NFRKB: variants seen among roughly 807,000 people sequenced by gnomAD.
The protein encoded by NFRKB is nuclear factor related to kappaB binding protein.
NFRKB carries 62 observed loss-of-function variants against 135.7 expected under a neutral mutation model. The ratio of observed to expected loss-of-function variants is 0.46; its 90% confidence interval spans 0.37 to 0.56. NFRKB has a LOEUF of 0.56. Among genes scored for constraint, NFRKB ranks in the 20% least tolerant of loss-of-function variants. The probability of loss-of-function intolerance (pLI) is 0.00; values close to 1 mark genes in which losing one functional copy is unlikely to be tolerated. For missense variants in NFRKB, 1,545 were observed against 1,662.0 expected, an observed-to-expected ratio of 0.93 and a Z score of 1.22; for synonymous variants, 678 against 635.6, an observed-to-expected ratio of 1.07 and a Z score of -1.00.
Position 129,875,346 on chromosome 11 carries a change from C to A in NFRKB, c.1854+11G>T, listed in dbSNP as rs770935717. The A allele has an allele frequency of 7.5e-6, 12 of 1,597,552 alleles. No individual in the cohort carries two copies. In the Admixed American group the frequency reaches 1.9e-4, roughly 25 times the overall value. ...TGGAACAAAGCAAAAGTAATCTCTT[C>A]TCCGTCCTACCTGAGTGCTGGTGAC... On this transcript the variant is annotated intron_variant, in intron 18 of 26. Transcript: ENST00000682444.
chr11:129,876,381 C>T (rs756122738), intron 17 of NFRKB, among the ~76,000 whole-genome samples: 7 of 152,196 alleles, frequency 4.6e-5, no homozygotes, highest in Non-Finnish European at 1.0e-4. Flanking sequence ...CCACAAGTTC[C>T]ACCAGACTGC....
At chr11:129,886,275 G>C (rs766589773) in intron 5 of NFRKB, 42 bp downstream of exon 5, 93 of 1,585,338 alleles carry the variant, frequency 5.9e-5, no homozygotes, top group Non-Finnish European at 7.7e-5. Flanking sequence ...CATGATACCT[G>C]TGACTGCCCA....
rs775941359 is a variant in NFRKB at position 129,881,711 on chromosome 11, A to G, written c.1318+16T>C. 6.2e-7 allele frequency: 1 copy of G among 1,613,494 alleles called. No individual in the cohort carries two copies. The highest frequency in any genetic ancestry group is 8.5e-7 in the Non-Finnish European group (1 of 1,179,678). ...AAGGGGGAAAAATACTGACCCTACAAAAAAGAGCATCTTACCTCGACTTTC... is the reference window on the plus strand; with the variant it reads ...AAGGGGGAAAAATACTGACCCTACAGAAAAGAGCATCTTACCTCGACTTTC... On this transcript the variant is annotated intron_variant, in intron 12 of 26. Transcript: ENST00000682444.
chr11:129,873,386 G>A (rs562706931), intron 22 of NFRKB, among the ~76,000 whole-genome samples: 18 of 152,208 alleles, frequency 1.2e-4, no homozygotes, highest in Non-Finnish European at 2.5e-4. Flanking sequence ...GGATACAAAT[G>A]TTCTGTAAAC....
At chr11:129,888,483 A>G (rs757477740) in intron 4 of NFRKB, 111 bp downstream of exon 4, 1 of 1,137,512 alleles carries the variant, frequency 8.8e-7, no homozygotes, top group South Asian at 1.3e-5. Flanking sequence ...TTGCTGCCTC[A>G]GTATCTGTAC....
intron 13 of NFRKB, among the ~76,000 whole-genome samples, chr11:129,881,051 C>G (rs552374627): frequency 6.6e-6 from 1 of 152,104 alleles, no homozygotes; most frequent in Non-Finnish European, 1.5e-5. Flanking sequence ...ACAACTTATT[C>G]GGGGCTGCTG....
rs1483196835 is a variant in NFRKB at position 129,864,224 on chromosome 11, G to A, written c.*501C>T. On this transcript the variant is annotated 3_prime_UTR_variant, in exon 27 of 27. Coordinates refer to ENST00000682444, the MANE Select transcript of NFRKB (RefSeq NM_001143835.2). ...AGTAAGTCATCGGTTTAGTGGAGGG[G>A]GCAGCTAAAGCCCAAGTTTGTATTT... 6.5e-6 allele frequency: 1 copy of A among 152,896 alleles called. No individual in the cohort carries two copies. Among genetic ancestry groups the A allele is most frequent in the Non-Finnish European group, 1.5e-5 (1 of 68,634 alleles). 9.5% of individuals were successfully genotyped at this position (152,896 alleles called of 1,614,324 possible). A position where few individuals can be genotyped will look rare whatever the true frequency, so the allele number is the denominator to read the frequency against.
At chr11:129,875,057 G>T in intron 18 of NFRKB, 141 bp from the exon 19 acceptor site, 1 of 1,074,706 alleles carries the variant, frequency 9.3e-7, no homozygotes, top group Non-Finnish European at 1.3e-6. Flanking sequence ...ATTCCCAATA[G>T]TTCCCCAAAT....
At chr11:129,871,605 A>C (rs1948510850) in intron 23 of NFRKB, among the ~76,000 whole-genome samples, 2 of 152,074 alleles carry the variant, frequency 1.3e-5, no homozygotes, top group African/African-American at 4.8e-5. Context: ...TACTCAAGCC[A>C]CCAGCAAACC....
intron 24 of NFRKB, among the ~76,000 whole-genome samples, chr11:129,868,980 A>G (rs1948355053): frequency 6.6e-6 from 1 of 152,168 alleles, no homozygotes; most frequent in Non-Finnish European, 1.5e-5. Flanking sequence ...AGATCGTGCC[A>G]TTGCGCTCCA....
chr11:129,889,223 A>G (rs895095580), intron 3 of NFRKB, among the ~76,000 whole-genome samples: 12 of 152,150 alleles, frequency 7.9e-5, no homozygotes, highest in African/African-American at 2.4e-4. Flanking sequence ...CGGCCTCCCA[A>G]AGTGCTGGGA....
chr11:129,865,404 G>A (rs77919893), intron 25 of NFRKB, among the ~76,000 whole-genome samples: 1,644 of 152,194 alleles, frequency 0.011, 29 homozygotes, highest in African/African-American at 0.037. Flanking sequence ...TGCAAGAAAC[G>A]CTCCCCCTAA....
chr11:129,886,480 C>A (rs767723481), intron 4 of NFRKB, 36 bp from the exon 5 acceptor site: 18 of 1,586,564 alleles, frequency 1.1e-5, no homozygotes, highest in Admixed American at 8.4e-5. Context: ...TTACATCAAT[C>A]AACAAATATA....
At chr11:129,880,218 T>A (rs1044198716) in intron 13 of NFRKB, among the ~76,000 whole-genome samples, 1 of 151,880 alleles carries the variant, frequency 6.6e-6, no homozygotes, top group African/African-American at 2.4e-5. Context: ...AAATAAATTT[T>A]AAAAACTAAA....
intron 2 of NFRKB, chr11:129,893,517 G>A (rs973877636): frequency 8.1e-5 from 13 of 159,824 alleles, no homozygotes; most frequent in Admixed American, 6.9e-4. Context: ...CCGTGATCAC[G>A]CTACTGCACT....
intron 13 of NFRKB, among the ~76,000 whole-genome samples, chr11:129,881,082 A>G (rs865820012): frequency 1.3e-5 from 2 of 152,332 alleles, no homozygotes; most frequent in Middle Eastern, 6.8e-3. Flanking sequence ...TCAATAGCAA[A>G]GCCCATTTTT....
chr11:129,876,404 T>C (rs1431146313), intron 17 of NFRKB, among the ~76,000 whole-genome samples: 2 of 152,234 alleles, frequency 1.3e-5, no homozygotes, highest in Non-Finnish European at 2.9e-5. Flanking sequence ...AAGGGATTCC[T>C]GGCATTCAAA....
In NFRKB at chr11:129,884,035, G is replaced by GA. The variant is rs746494685; in HGVS notation, c.816+34dup. 6 of 1,611,776 alleles carry GA rather than the reference G, an allele frequency of 3.7e-6. No individual in the cohort carries two copies. In the East Asian group the frequency reaches 1.3e-4, roughly 36 times the overall value. ...ACAGCCAATCCTGAGACATCAGGCTGAAAACCACACGGCCGCACGCCCTTC... is the reference window on the plus strand; with the variant it reads ...ACAGCCAATCCTGAGACATCAGGCTGAAAAACCACACGGCCGCACGCCCTTC... On this transcript the variant is annotated intron_variant, in intron 8 of 26. Transcript: ENST00000682444.
Position 129,882,362 on chromosome 11 carries a change from T to C in NFRKB, c.1082+89A>G, listed in dbSNP as rs1591515170. The C allele has an allele frequency of 4.1e-6, 6 of 1,468,538 alleles. No homozygotes were observed. In the East Asian group the frequency reaches 1.4e-4, roughly 33 times the overall value. The allele number at this position is 1,468,538 out of a possible 1,614,324, so 91.0% of individuals were successfully genotyped here. A position where few individuals can be genotyped will look rare whatever the true frequency, so the allele number is the denominator to read the frequency against. On this transcript the variant is annotated intron_variant, in intron 10 of 26. Transcript: ENST00000682444. ...TTCAGGTCTACAAGTCCAACATACT[T>C]ACAGCTACGACAAGCCCTAGGGGCC...
Sources: gnomAD v4.1 joint callset for allele counts (sites outside exome capture counted in the v4.1 genomes callset) on GRCh38, gnomAD v4.1.1 for gene constraint, MANE v1.5 for transcripts, NCBI Gene and HGNC (gene_info 2026-07-23, HGNC 2026-07-21) for gene names.